TMEM182: variants seen among roughly 807,000 people sequenced by gnomAD.
The protein encoded by TMEM182 is transmembrane protein 182.
A neutral mutation model predicts 26.8 loss-of-function variants in TMEM182; 20 were observed. That is an observed-to-expected ratio of 0.75 (90% CI 0.53 to 1.09). The LOEUF (loss-of-function observed/expected upper bound fraction) is 1.09. Ranked by LOEUF, TMEM182 falls within the 50% of genes least tolerant of loss-of-function variation. TMEM182 has a pLI of 0.00. For missense variants in TMEM182, 277 were observed against 275.5 expected, an observed-to-expected ratio of 1.01 and a Z score of -0.04; for synonymous variants, 109 against 102.2, an observed-to-expected ratio of 1.07 and a Z score of -0.40.
intron 3 of TMEM182, among the ~76,000 whole-genome samples, chr2:102,791,650 A>C (rs1015439754): frequency 4.6e-5 from 7 of 152,196 alleles, no homozygotes; most frequent in African/African-American, 1.4e-4. Flanking sequence ...ACAGATTCAC[A>C]TGTGCTTTCC....
intron 4 of TMEM182, among the ~76,000 whole-genome samples, chr2:102,813,312 G>T (rs1428283281): frequency 1.3e-5 from 2 of 152,294 alleles, no homozygotes; most frequent in Middle Eastern, 3.4e-3. Flanking sequence ...CACAATTAAC[G>T]TGAGAAATGT....
chr2:102,758,273 G>T, upstream of TMEM182: 1 of 497,008 alleles, frequency 2.0e-6, no homozygotes, highest in Non-Finnish European at 3.7e-6. Context: ...GTCTCAGTTT[G>T]TAAATTTGTG....
rs545948301 is a variant in TMEM182, at chr2:102,836,114, G to T, written c.326-7298G>T. On this transcript the variant is annotated intron_variant, in intron 3 of 3. Coordinates refer to the TMEM182 transcript ENST00000486293. ...ACTGAATAATATTCCATTGTTTGGA[G>T]GTACCACAGTTCTCTTTGCCCCGTG... 3.3e-5 allele frequency among the ~76,000 whole-genome samples: 5 copies of T among 152,214 alleles called. No individual in the cohort carries two copies. In the South Asian group the frequency reaches 1.0e-3, roughly 32 times the overall value.
At chr2:102,763,470 T>C (rs549031347) in intron 2 of TMEM182, among the ~76,000 whole-genome samples, 194 of 152,288 alleles carry the variant, frequency 1.3e-3, no homozygotes, top group Non-Finnish European at 2.3e-3. Context: ...AATCAAAGTA[T>C]GGTATTTACA....
intron 3 of TMEM182, among the ~76,000 whole-genome samples, chr2:102,790,011 A>G (rs1456856035): frequency 6.6e-6 from 1 of 152,276 alleles, no homozygotes; most frequent in Admixed American, 6.5e-5. Context: ...CCCTGAAATC[A>G]TGGTCTTTCC....
At chr2:102,837,743 C>CT (rs1683273538) in intron 3 of TMEM182, among the ~76,000 whole-genome samples, 1 of 152,154 alleles carries the variant, frequency 6.6e-6, no homozygotes, top group Non-Finnish European at 1.5e-5. Context: ...CTCAAGTGGC[C>CT]TTGGGTCTAG....
intron 3 of TMEM182, among the ~76,000 whole-genome samples, chr2:102,768,698 C>T (rs1680560296): frequency 6.6e-6 from 1 of 151,940 alleles, no homozygotes; most frequent in African/African-American, 2.4e-5. Flanking sequence ...AAGACTCCAT[C>T]TCAAAAAAAA....
intron 3 of TMEM182, among the ~76,000 whole-genome samples, chr2:102,783,632 A>T (rs1279563068): frequency 6.6e-6 from 1 of 152,118 alleles, no homozygotes; most frequent in East Asian, 1.9e-4. Flanking sequence ...AACACCAACG[A>T]TCTGTTGGGT....
At chr2:102,831,494 T>C (rs1683147627) in intron 3 of TMEM182, among the ~76,000 whole-genome samples, 1 of 152,176 alleles carries the variant, frequency 6.6e-6, no homozygotes, top group Non-Finnish European at 1.5e-5. Flanking sequence ...TGGTGGTTCA[T>C]GCCTGTAATC....
At chr2:102,823,993 A>G (rs2104769445) in intron 3 of TMEM182, among the ~76,000 whole-genome samples, 1 of 152,356 alleles carries the variant, frequency 6.6e-6, no homozygotes, top group South Asian at 2.1e-4. Flanking sequence ...CTTTAAGATA[A>G]AAGGAAAGTG....
intron 1 of TMEM182, 71 bp downstream of exon 1, chr2:102,762,420 C>G: frequency 6.3e-7 from 1 of 1,592,844 alleles, no homozygotes; most frequent in Non-Finnish European, 8.6e-7. Context: ...CTCTTGAAAT[C>G]AGAGAATAGT....
At chr2:102,824,170 A>ATGCC (rs1682984290) in intron 3 of TMEM182, among the ~76,000 whole-genome samples, 1 of 152,184 alleles carries the variant, frequency 6.6e-6, no homozygotes, top group African/African-American at 2.4e-5. Context: ...ACCACTGTCT[A>ATGCC]TGCCTGGCTC....
upstream of TMEM182, chr2:102,761,964 T>C (rs1038383811): frequency 2.7e-6 from 1 of 367,448 alleles, no homozygotes; most frequent in Non-Finnish European, 5.0e-6. Flanking sequence ...TCAATCACTA[T>C]CTTAAAATAG....
intron 1 of TMEM182, among the ~76,000 whole-genome samples, chr2:102,751,199 C>T (rs940762575): frequency 2.6e-5 from 4 of 152,066 alleles, no homozygotes; most frequent in South Asian, 2.1e-4. Flanking sequence ...GAGGGTTGCC[C>T]GAGTGGGTCT....
At chr2:102,839,466 TATATAA>T (rs1001387887) in intron 3 of TMEM182, among the ~76,000 whole-genome samples, 19 of 146,442 alleles carry the variant, frequency 1.3e-4, no homozygotes, top group African/African-American at 4.8e-4. Context: ...TATATATATA[TATATAA>T]TATATACACA....
rs191961976 is a variant in TMEM182, at chr2:102,776,177, T to C, written c.331+11750T>C. ...GTTTGTTACAATTGATGAGCCAACATTGATCCATTATTATTAACTAAAGTC... is the reference window on the plus strand; with the variant it reads ...GTTTGTTACAATTGATGAGCCAACACTGATCCATTATTATTAACTAAAGTC... On this transcript the variant is annotated intron_variant, in intron 3 of 4. Coordinates refer to ENST00000412401, the MANE Select transcript of TMEM182 (RefSeq NM_144632.5). Among the ~76,000 whole-genome samples, 23 of 152,304 alleles carry C rather than the reference T, an allele frequency of 1.5e-4. No individual in the cohort carries two copies. The East Asian group carries it at 4.0e-3, about 27-fold the overall frequency.
chr2:102,746,773 G>A (rs901997642), intron 1 of TMEM182, among the ~76,000 whole-genome samples: 1 of 152,050 alleles, frequency 6.6e-6, no homozygotes, highest in Non-Finnish European at 1.5e-5. Flanking sequence ...ATTTTTAGTA[G>A]AGATGGGATT....
chr2:102,744,960 G>A (rs916354333), intron 1 of TMEM182, among the ~76,000 whole-genome samples: 13 of 151,998 alleles, frequency 8.6e-5, no homozygotes, highest in African/African-American at 2.9e-4. Context: ...TCTATAATTC[G>A]GGAGTATTCT....
intron 1 of TMEM182, among the ~76,000 whole-genome samples, chr2:102,740,810 C>T (rs947116624): frequency 2.0e-5 from 3 of 152,122 alleles, no homozygotes; most frequent in African/African-American, 7.2e-5. Flanking sequence ...AATGGAAAAT[C>T]CAAATATTCA....
Sources: gnomAD v4.1 joint callset for allele counts (sites outside exome capture counted in the v4.1 genomes callset) on GRCh38, gnomAD v4.1.1 for gene constraint, MANE v1.5 for transcripts, NCBI Gene and HGNC (gene_info 2026-07-23, HGNC 2026-07-21) for gene names.